SUCLG2: variants seen among roughly 807,000 people sequenced by gnomAD.
The protein encoded by SUCLG2 is succinate--CoA ligase [GDP-forming] subunit beta, mitochondrial.
In SUCLG2, 42 loss-of-function variants were observed where a neutral mutation model predicts 47.9. That is an observed-to-expected ratio of 0.88 (90% CI 0.69 to 1.14). The LOEUF is 1.14. Ranked by LOEUF, SUCLG2 falls within the 50% of genes most tolerant of loss-of-function variation. SUCLG2 has a pLI of 0.00. For missense variants in SUCLG2, 571 were observed against 525.9 expected (o/e 1.09, Z -0.84); for synonymous variants, 195 against 197.3 (o/e 0.99, Z 0.10).
At chr3:67,425,280 C>T (rs1703268835) in intron 9 of SUCLG2, among the ~76,000 whole-genome samples, 1 of 152,090 alleles carries the variant, frequency 6.6e-6, no homozygotes, top group Non-Finnish European at 1.5e-5. Flanking sequence ...ACACCTCTGT[C>T]CTAAGTGTAT....
rs1706466199 is a variant in SUCLG2, at chr3:67,533,835, A to T, written c.227-4649T>A. ...AATGGGAATAAGATGATACTGTAATAATTCTCCATATGTCAAAAGGCATCT... is the reference window on the plus strand; with the variant it reads ...AATGGGAATAAGATGATACTGTAATTATTCTCCATATGTCAAAAGGCATCT... On this transcript the variant is annotated intron_variant, in intron 2 of 10. Transcript: ENST00000307227. Among the ~76,000 whole-genome samples the T allele has an allele frequency of 2.6e-5, 4 of 152,184 alleles. No individual in the cohort carries two copies. The South Asian group carries it at 8.3e-4, about 31-fold the overall frequency.
chr3:67,486,839 C>T (rs1705067667), intron 9 of SUCLG2, among the ~76,000 whole-genome samples: 1 of 152,138 alleles, frequency 6.6e-6, no homozygotes, highest in Non-Finnish European at 1.5e-5. Flanking sequence ...CAGAGGATTG[C>T]CTTTTTGATC....
chr3:67,619,157 C>T (rs906603964), intron 1 of SUCLG2, among the ~76,000 whole-genome samples: 3 of 152,166 alleles, frequency 2.0e-5, no homozygotes, highest in Non-Finnish European at 4.4e-5. Flanking sequence ...TCTTGGGGTG[C>T]CTTGGCAAAG....
intron 9 of SUCLG2, among the ~76,000 whole-genome samples, chr3:67,456,985 A>G (rs918649371): frequency 5.9e-5 from 9 of 152,198 alleles, no homozygotes; most frequent in Non-Finnish European, 4.4e-5. Flanking sequence ...TGAATGCATA[A>G]TTTTTGTAAT....
At chr3:67,548,828 T>C (rs942781569) in intron 2 of SUCLG2, among the ~76,000 whole-genome samples, 43 of 152,270 alleles carry the variant, frequency 2.8e-4, no homozygotes, top group African/African-American at 1.0e-3. Flanking sequence ...CAAAGCGCAA[T>C]GTCCAATGCC....
chr3:67,523,521 G>A (rs1369961618), intron 4 of SUCLG2, among the ~76,000 whole-genome samples: 1 of 152,108 alleles, frequency 6.6e-6, no homozygotes, highest in African/African-American at 2.4e-5. Context: ...TTCTGATTGA[G>A]GGGTAGGACA....
rs571307132 is a variant in SUCLG2 at position 67,585,834 on chromosome 3, G to C, written c.226+23621C>G. ...AAAAAATTAGCCGGGCATCCATGTG[G>C]TGGGTGCCTGTAATTCCAGCTACTT... On this transcript the variant is annotated intron_variant, in intron 2 of 10. Transcript: ENST00000307227. 1.8e-4 allele frequency among the ~76,000 whole-genome samples: 28 copies of C among 152,040 alleles called. No homozygotes were observed. The South Asian group carries it at 5.6e-3, about 30-fold the overall frequency.
At chr3:67,575,636 C>A (rs1707723249) in intron 2 of SUCLG2, among the ~76,000 whole-genome samples, 1 of 152,076 alleles carries the variant, frequency 6.6e-6, no homozygotes, top group African/African-American at 2.4e-5. Flanking sequence ...CTAAAAATCA[C>A]TGAATTATAC....
intron 2 of SUCLG2, among the ~76,000 whole-genome samples, chr3:67,561,292 T>G (rs1707301173): frequency 6.6e-6 from 1 of 152,058 alleles, no homozygotes; most frequent in Non-Finnish European, 1.5e-5. Flanking sequence ...ATACCACATT[T>G]ATTTACTCTC....
At chr3:67,602,948 A>G (rs1202475486) in intron 2 of SUCLG2, among the ~76,000 whole-genome samples, 1 of 152,206 alleles carries the variant, frequency 6.6e-6, no homozygotes, top group Non-Finnish European at 1.5e-5. Context: ...GACTTAAAAA[A>G]TGGGAAGGAA....
At chr3:67,478,829 A>T (rs1275848864) in intron 9 of SUCLG2, among the ~76,000 whole-genome samples, 3 of 152,208 alleles carry the variant, frequency 2.0e-5, no homozygotes, top group African/African-American at 7.2e-5. Context: ...GTCTCACCAT[A>T]CTACTGGGAC....
At chr3:67,629,299 C>G (rs1337476102) in intron 1 of SUCLG2, among the ~76,000 whole-genome samples, 1 of 152,208 alleles carries the variant, frequency 6.6e-6, no homozygotes, top group Non-Finnish European at 1.5e-5. Context: ...GCTCAGTCCC[C>G]CAGACTGCTC....
chr3:67,607,550 T>C (rs9873616), intron 2 of SUCLG2, among the ~76,000 whole-genome samples: 73,848 of 151,758 alleles, frequency 0.49, 18,889 homozygotes, highest in African/African-American at 0.64. Context: ...ATGCCACAGG[T>C]GGGGATGCTC....
rs1702015204 is a variant in SUCLG2 at position 67,375,451 on chromosome 3, A to G, written c.*293T>C. On this transcript the variant is annotated 3_prime_UTR_variant, in exon 11 of 11. Coordinates refer to ENST00000307227, the MANE Select transcript of SUCLG2 (RefSeq NM_003848.4). ...ATTTCAAATTCTGTCTATACACACA[A>G]TATTTGGCCACATAGACCACTCCCC... 1.9e-6 allele frequency: 2 copies of G among 1,066,530 alleles called. No individual in the cohort carries two copies. The highest frequency in any genetic ancestry group is 1.7e-5 in the African/African-American group (1 of 60,000). The allele number at this position is 1,066,530 out of a possible 1,614,324, so 66.1% of individuals were successfully genotyped here. A position where few individuals can be genotyped will look rare whatever the true frequency, so the allele number is the denominator to read the frequency against.
intron 10 of SUCLG2, among the ~76,000 whole-genome samples, chr3:67,388,423 A>T (rs1702305374): frequency 6.6e-6 from 1 of 152,186 alleles, no homozygotes; most frequent in Non-Finnish European, 1.5e-5. Flanking sequence ...AGGGTCTCAC[A>T]CTCAACATGA....
At chr3:67,523,221 A>G (rs996708928) in intron 4 of SUCLG2, among the ~76,000 whole-genome samples, 1 of 152,252 alleles carries the variant, frequency 6.6e-6, no homozygotes, top group African/African-American at 2.4e-5. Context: ...GGATAAATAT[A>G]TAATGATCTA....
At chr3:67,378,030 C>A (rs1472497147) in intron 10 of SUCLG2, among the ~76,000 whole-genome samples, 2 of 152,200 alleles carry the variant, frequency 1.3e-5, no homozygotes, top group African/African-American at 4.8e-5. Context: ...GCATCTTACC[C>A]ACTCACCCTC....
At chr3:67,478,299 T>C (rs1433782103) in intron 9 of SUCLG2, among the ~76,000 whole-genome samples, 2 of 152,218 alleles carry the variant, frequency 1.3e-5, no homozygotes, top group Admixed American at 1.3e-4. Flanking sequence ...TTATTTCCTC[T>C]AATAATGGAT....
intron 2 of SUCLG2, 143 bp downstream of exon 2, chr3:67,609,312 T>C (rs2290172): frequency 0.44 from 387,638 of 880,280 alleles, 88,476 homozygotes; most frequent in African/African-American, 0.64. Context: ...TCTGGACTTT[T>C]TTGCTTTTGC....
Sources: allele counts gnomAD v4.1 joint callset (sites outside exome capture counted in the v4.1 genomes callset), GRCh38; gene constraint gnomAD v4.1.1; transcripts MANE v1.5; gene names NCBI Gene and HGNC (gene_info 2026-07-23, HGNC 2026-07-21).